RANGAP1: variants seen among roughly 807,000 people sequenced by gnomAD.
The protein encoded by RANGAP1 is Ran GTPase activating protein 1, also known as ran GTPase-activating protein 1.
RANGAP1 carries 38 observed loss-of-function variants against 63.5 expected under a neutral mutation model. The observed-to-expected ratio is 0.60, with a 90% CI of 0.46 to 0.78. The LOEUF is 0.78. Among genes scored for constraint, RANGAP1 ranks in the 30% least tolerant of loss-of-function variants. RANGAP1 has a pLI of 0.00. For synonymous variants in RANGAP1, 329 were observed against 310.5 expected, an observed-to-expected ratio of 1.06 and a Z score of -0.63; for missense variants, 630 against 740.3, an observed-to-expected ratio of 0.85 and a Z score of 1.73.
chr22:41,246,689 G>A lies in RANGAP1; in HGVS notation c.1695-17C>T. The A allele has an allele frequency of 6.5e-7, 1 of 1,546,012 alleles. No individual in the cohort carries two copies. The highest frequency in any genetic ancestry group is 8.8e-7 in the Non-Finnish European group (1 of 1,137,998). The stretch of plus-strand genomic sequence containing the variant: ...CTGTTGGGCCTGCGGGGAAAGAGGG[G>A]TCAGCAGGTCGGTGGATGCCTCTTG... On this transcript the variant is annotated splice_polypyrimidine_tract_variant and intron_variant, in intron 15 of 15. Transcript: ENST00000356244.
In RANGAP1 at chr22:41,256,233, C is replaced by T. The variant is rs1041292669; in HGVS notation, c.946G>A (p.Ala316Thr). The change falls in exon 9 of 16, where the codon GCC (alanine) becomes ACC (threonine). Residue 316 changes from alanine (A) to threonine (T), a missense_variant. Ala to Thr is a moderately conservative substitution (Grantham distance 58). This residue lies in a region of RANGAP1 where 428 missense variants were observed against 465.5 expected (regional missense o/e 0.92). Coordinates refer to ENST00000356244, the MANE Select transcript of RANGAP1 (RefSeq NM_002883.4). ...TCCAGCTCAGCTTTGTCTGCCATGG[C>T]CTCAGCAACAGCCAGGGCAGCATCC... is the stretch of plus-strand genomic sequence containing the variant. ...KRDAALAVAE[A>T]MADKAELEKL... is the part of the protein sequence containing the mutation. 1 of 1,614,160 alleles carries T rather than the reference C, an allele frequency of 6.2e-7. No individual in the cohort carries two copies. The highest frequency in any genetic ancestry group is 8.5e-7 in the Non-Finnish European group (1 of 1,180,030).
At chr22:41,295,401 C>A in the RANGAP1 span, among the ~76,000 whole-genome samples, 696 of 152,136 alleles carry the variant, frequency 4.6e-3, 6 homozygotes, top group African/African-American at 0.015. Flanking sequence ...GACCTTACCC[C>A]CAACCCTGTG....
chr22:41,246,611 T>C lies in RANGAP1; in HGVS notation c.1756A>G (p.Lys586Glu), dbSNP rs769863720. ...ARHSLLQTLYKV is the reference protein window; with the variant it reads ...ARHSLLQTLYEV ...TGGGAGAGGCTTTGAGTCTAGACCT[T>C]GTACAGCGTCTGCAGCAGACTGTGG... is the stretch of plus-strand genomic sequence containing the variant. Residue 586 changes from lysine to glutamate, a missense_variant, in exon 16 of 16, where the codon AAG becomes GAG. By Grantham distance (56) the Lys-to-Glu change is moderately conservative. Around this residue, in one of 3 missense-constraint regions of RANGAP1, gnomAD observed 428 missense variants for 465.5 expected, o/e 0.92. Transcript: ENST00000356244. 2 of 1,575,156 alleles carry C rather than the reference T, an allele frequency of 1.3e-6. No individual in the cohort carries two copies. The highest frequency in any genetic ancestry group is 2.3e-5 in the East Asian group (1 of 43,516).
At chr22:41,276,980 T>G (rs1276978898) in intron 2 of RANGAP1, among the ~76,000 whole-genome samples, 1 of 147,694 alleles carries the variant, frequency 6.8e-6, no homozygotes, top group Non-Finnish European at 1.5e-5. Context: ...GCGAGACTGT[T>G]TCTCAGAAAA....
intron 3 of RANGAP1, among the ~76,000 whole-genome samples, chr22:41,274,261 C>A (rs544810565): frequency 1.3e-5 from 2 of 152,362 alleles, no homozygotes; most frequent in East Asian, 1.9e-4. Context: ...TCTGTCAGAG[C>A]AGCCTCACAG....
intron 6 of RANGAP1, among the ~76,000 whole-genome samples, chr22:41,259,965 C>T (rs968585125): frequency 1.3e-5 from 2 of 151,664 alleles, no homozygotes; most frequent in Non-Finnish European, 2.9e-5. Context: ...GAGATTGCAC[C>T]GTTGTACTCC....
chr22:41,292,670 C>T, the RANGAP1 span, among the ~76,000 whole-genome samples: 1 of 151,948 alleles, frequency 6.6e-6, no homozygotes, highest in Non-Finnish European at 1.5e-5. Context: ...TCGCTTGAAC[C>T]CGGGAGGCGG....
In RANGAP1 at chr22:41,246,433, G is replaced by T. The variant is rs139374732; in HGVS notation, c.*170C>A. 2.6e-5 allele frequency: 17 copies of T among 662,194 alleles called. No homozygotes were observed. Among genetic ancestry groups the T allele is most frequent in the Non-Finnish European group, 4.3e-5 (17 of 392,588 alleles). The allele number at this position is 662,194 out of a possible 1,614,324, so 41.0% of individuals were successfully genotyped here. On this transcript the variant is annotated 3_prime_UTR_variant, in exon 16 of 16. Coordinates refer to ENST00000356244, the MANE Select transcript of RANGAP1 (RefSeq NM_002883.4). Reference sequence around the variant, plus strand: ...CGACAGGAGGCACAGACCTGCACATGCGCCACACCCACACACATACTCAGG... The same window carrying T: ...CGACAGGAGGCACAGACCTGCACATTCGCCACACCCACACACATACTCAGG...
At chr22:41,300,971 G>A in the RANGAP1 span, among the ~76,000 whole-genome samples, 2 of 152,142 alleles carry the variant, frequency 1.3e-5, no homozygotes, top group African/African-American at 2.4e-5. Flanking sequence ...TGCCCATGCT[G>A]ATTTCTGAAT....
chr22:41,277,611 A>T (rs554993143), intron 2 of RANGAP1: 3 of 736,572 alleles, frequency 4.1e-6, no homozygotes, highest in Non-Finnish European at 5.5e-6. Flanking sequence ...AAGGACTTAT[A>T]ACCTAGCAGG....
chr22:41,248,457 G>A (rs984356059), intron 15 of RANGAP1, among the ~76,000 whole-genome samples: 2 of 152,206 alleles, frequency 1.3e-5, no homozygotes, highest in Non-Finnish European at 2.9e-5. Flanking sequence ...CTCACGCTCC[G>A]CCAGCCCCGC....
chr22:41,259,698 T>C lies in RANGAP1; in HGVS notation c.616-1592A>G, dbSNP rs537906197. Among the ~76,000 whole-genome samples the C allele has an allele frequency of 9.8e-5, 15 of 152,340 alleles. No individual in the cohort carries two copies. In the South Asian group the frequency reaches 2.9e-3, roughly 29 times the overall value. ...CTGGGGATAAAGTCACAAGATTTTCTTTTTATTTTTTTAAAAATTTTAAGC... is the reference window on the plus strand; with the variant it reads ...CTGGGGATAAAGTCACAAGATTTTCCTTTTATTTTTTTAAAAATTTTAAGC... On this transcript the variant is annotated intron_variant, in intron 6 of 15. Transcript: ENST00000356244.
intron 15 of RANGAP1, among the ~76,000 whole-genome samples, chr22:41,248,740 T>A (rs1319036081): frequency 6.6e-6 from 1 of 152,168 alleles, no homozygotes; most frequent in East Asian, 1.9e-4. Flanking sequence ...GGGCCTTGCC[T>A]CTCTTACTTG....
intron 8 of RANGAP1, 47 bp downstream of exon 8, chr22:41,256,664 C>A (rs771035582): frequency 6.4e-7 from 1 of 1,560,684 alleles, no homozygotes; most frequent in Non-Finnish European, 8.8e-7. Flanking sequence ...AGCCGCCCCA[C>A]CACCCACAGA....
intron 2 of RANGAP1, among the ~76,000 whole-genome samples, chr22:41,279,600 C>A (rs952479600): frequency 4.6e-5 from 7 of 151,808 alleles, no homozygotes; most frequent in Non-Finnish European, 1.0e-4. Context: ...TGAGATTGCA[C>A]CACCACACTC....
At chr22:41,285,964 A>G (rs1386242255) in intron 1 of RANGAP1, 22 bp downstream of exon 1, 2 of 152,706 alleles carry the variant, frequency 1.3e-5, no homozygotes, top group Non-Finnish European at 1.5e-5. Context: ...TGACGGGGAA[A>G]GGAAAGGGAC....
rs1380134397 is a variant in RANGAP1 at position 41,245,670 on chromosome 22, G to A, written c.*933C>T. On this transcript the variant is annotated 3_prime_UTR_variant, in exon 16 of 16. Coordinates refer to ENST00000356244, the MANE Select transcript of RANGAP1 (RefSeq NM_002883.4). ...CGGGCACAGCCCAGACACACACAGAGCACAAAGGGGAAAGCATGGGGCAGT... is the reference window on the plus strand; with the variant it reads ...CGGGCACAGCCCAGACACACACAGAACACAAAGGGGAAAGCATGGGGCAGT... 6.6e-6 allele frequency: 1 copy of A among 152,452 alleles called. No homozygotes were observed. Among genetic ancestry groups the A allele is most frequent in the African/African-American group, 2.4e-5 (1 of 41,462 alleles). 9.4% of individuals were successfully genotyped at this position (152,452 alleles called of 1,614,324 possible).
chr22:41,250,533 G>T (rs1395081092), intron 13 of RANGAP1, among the ~76,000 whole-genome samples: 1 of 152,214 alleles, frequency 6.6e-6, no homozygotes, highest in Non-Finnish European at 1.5e-5. Context: ...ACAGGGTGGG[G>T]AGAGGGTTGT....
chr22:41,281,004 G>T lies in RANGAP1; in HGVS notation c.41C>A (p.Ala14Asp). Residue 14 changes from alanine (A) to aspartate (D), a missense_variant, in exon 2 of 16, where the codon GCC (alanine) becomes GAC (aspartate). Physicochemically the swap from Ala to Asp is moderately radical, Grantham distance 126. This residue lies in a region of RANGAP1 where 65 missense variants were observed against 60.5 expected (regional missense o/e 1.07). Transcript: ENST00000356244. ...EDIAKLAETLAKTQVAGGQLS... is the reference protein window; with the variant it reads ...EDIAKLAETLDKTQVAGGQLS... ...CTGTCCCCCGGCCACCTGAGTCTTGGCAAGTGTCTCTGCCAGCTTGGCAAT... is the reference window on the plus strand; with the variant it reads ...CTGTCCCCCGGCCACCTGAGTCTTGTCAAGTGTCTCTGCCAGCTTGGCAAT... The T allele has an allele frequency of 1.1e-5, 18 of 1,612,480 alleles. No individual in the cohort carries two copies. Among genetic ancestry groups the T allele is most frequent in the Non-Finnish European group, 1.5e-5 (18 of 1,179,398 alleles).
Sources: allele counts gnomAD v4.1 joint callset (sites outside exome capture counted in the v4.1 genomes callset), GRCh38; gene constraint gnomAD v4.1.1; regional missense constraint gnomAD v4.1.1; transcripts MANE v1.5; gene names NCBI Gene and HGNC (gene_info 2026-07-23, HGNC 2026-07-21).